Variants in UBAC2 observed in about 807,000 individuals in gnomAD.
UBAC2 encodes UBA domain containing 2.
Under a neutral mutation model 44.0 loss-of-function variants are expected in UBAC2, and 26 were observed. The ratio of observed to expected loss-of-function variants is 0.59; its 90% CI spans 0.43 to 0.82. UBAC2 has a LOEUF of 0.82. UBAC2 is among the 40% of genes least tolerant of loss of function. The pLI is 0.00. For missense variants in UBAC2, 329 were observed against 419.4 expected (o/e 0.78, Z 1.88); for synonymous variants, 155 against 154.3 (o/e 1.00, Z -0.04).
intron 7 of UBAC2, among the ~76,000 whole-genome samples, chr13:99,364,635 A>G (rs2045307635): frequency 6.6e-6 from 1 of 152,152 alleles, no homozygotes; most frequent in Non-Finnish European, 1.5e-5. Flanking sequence ...TGGTGGGTAG[A>G]TTTTTAAGTA....
chr13:99,278,094 G>A (rs1343881823), intron 4 of UBAC2, among the ~76,000 whole-genome samples: 1 of 152,138 alleles, frequency 6.6e-6, no homozygotes, highest in East Asian at 1.9e-4. Flanking sequence ...TCCAGGACTA[G>A]GCACAGATAA....
chr13:99,325,292 A>G (rs1270190686), intron 6 of UBAC2, among the ~76,000 whole-genome samples: 1 of 151,548 alleles, frequency 6.6e-6, no homozygotes, highest in Non-Finnish European at 1.5e-5. Flanking sequence ...TTTTGTAGAG[A>G]CGGGGTTTCA....
chr13:99,221,327 A>C (rs2043050091), intron 1 of UBAC2, among the ~76,000 whole-genome samples: 1 of 152,210 alleles, frequency 6.6e-6, no homozygotes, highest in South Asian at 2.1e-4. Flanking sequence ...TTTGTTACAC[A>C]GGGCACTACT....
At chr13:99,244,851 G>A (rs1220084877) in intron 4 of UBAC2, among the ~76,000 whole-genome samples, 1 of 121,484 alleles carries the variant, frequency 8.2e-6, no homozygotes, top group African/African-American at 3.1e-5. Context: ...TTTTTTTTTT[G>A]AGACGGAGTC....
chr13:99,373,959 A>G (rs554813416), intron 8 of UBAC2, among the ~76,000 whole-genome samples: 13 of 152,356 alleles, frequency 8.5e-5, no homozygotes, highest in Non-Finnish European at 1.3e-4. Flanking sequence ...ACATGGTGCA[A>G]CTGCCCAGAC....
At chr13:99,384,523 T>C (rs1416209438) in intron 8 of UBAC2, among the ~76,000 whole-genome samples, 1 of 152,246 alleles carries the variant, frequency 6.6e-6, no homozygotes, top group Admixed American at 6.5e-5. Flanking sequence ...AATGCATGCT[T>C]GTTCCTCCCT....
chr13:99,270,417 G>A (rs1214165717), intron 4 of UBAC2, among the ~76,000 whole-genome samples: 1 of 152,194 alleles, frequency 6.6e-6, no homozygotes, highest in Non-Finnish European at 1.5e-5. Context: ...TAGCAGAGGT[G>A]AATATTATGG....
chr13:99,242,948 G>A lies in UBAC2; in HGVS notation c.160-884G>A, dbSNP rs1475248116. The stretch of plus-strand genomic sequence containing the variant: ...TAGAGACGCTCCTCACTTCCTAGAT[G>A]GGATGGCGGCCGGGAAGAGGCGCTC... On this transcript the variant is annotated intron_variant, in intron 2 of 8. Transcript: ENST00000403766. Among the ~76,000 whole-genome samples the A allele has an allele frequency of 3.3e-5, 5 of 150,764 alleles. No homozygotes were observed. The East Asian group carries it at 9.8e-4, about 30-fold the overall frequency.
intron 8 of UBAC2, among the ~76,000 whole-genome samples, chr13:99,373,111 ACT>A (rs1449385699): frequency 4.6e-5 from 7 of 150,768 alleles, no homozygotes; most frequent in Non-Finnish European, 5.9e-5. Context: ...ACAGAGCAAG[ACT>A]CTGTCTCAAA....
intron 1 of UBAC2, 44 bp downstream of exon 1, chr13:99,200,983 C>A: frequency 7.7e-7 from 1 of 1,299,496 alleles, no homozygotes; most frequent in Non-Finnish European, 9.8e-7. Context: ...CTACACGCCA[C>A]CCTAGGCACC....
intron 4 of UBAC2, among the ~76,000 whole-genome samples, chr13:99,278,557 C>T (rs2043913285): frequency 3.9e-5 from 6 of 152,122 alleles, no homozygotes; most frequent in Admixed American, 3.9e-4. Flanking sequence ...AAATAATCAT[C>T]ATAGCTTGAA....
At chr13:99,233,569 A>G (rs567303345) in intron 1 of UBAC2, among the ~76,000 whole-genome samples, 169 of 152,276 alleles carry the variant, frequency 1.1e-3, no homozygotes, top group African/African-American at 3.8e-3. Flanking sequence ...CCTGGTTGAA[A>G]GGCCGCAGGA....
chr13:99,238,817 T>C (rs141489837), intron 2 of UBAC2, among the ~76,000 whole-genome samples: 73 of 152,322 alleles, frequency 4.8e-4, no homozygotes, highest in African/African-American at 1.7e-3. Context: ...AATTTATAAC[T>C]TCAAGGGAAT....
At chr13:99,321,140 T>C (rs2044562429) in intron 6 of UBAC2, among the ~76,000 whole-genome samples, 1 of 152,216 alleles carries the variant, frequency 6.6e-6, no homozygotes, top group Admixed American at 6.5e-5. Context: ...ATTAATGTGG[T>C]TTTTAAGAAA....
intron 5 of UBAC2, among the ~76,000 whole-genome samples, chr13:99,316,544 C>A (rs1003520793): frequency 1.3e-5 from 2 of 152,266 alleles, no homozygotes; most frequent in South Asian, 4.1e-4. Flanking sequence ...TGGGCTATGA[C>A]GTTGTGGGCT....
rs1220615255 is a variant in UBAC2 at position 99,200,867 on chromosome 13, C to G, written c.-42C>G. On this transcript the variant is annotated 5_prime_UTR_variant, in exon 1 of 9. Transcript: ENST00000403766. ...TCGCTGGGGCTCGCACTTCAGCTTC[C>G]CCTCCCCCGGCGCCCTCTGGGGCTC... is the stretch of plus-strand genomic sequence containing the variant. 9 of 1,285,988 alleles carry G rather than the reference C, an allele frequency of 7.0e-6. No individual in the cohort carries two copies. Among genetic ancestry groups the G allele is most frequent in the Non-Finnish European group, 2.0e-6 (2 of 1,007,038 alleles). 79.7% of individuals were successfully genotyped at this position (1,285,988 alleles called of 1,614,324 possible). A position where few individuals can be genotyped will look rare whatever the true frequency, so the allele number is the denominator to read the frequency against.
intron 1 of UBAC2, among the ~76,000 whole-genome samples, chr13:99,231,761 C>G (rs1279283918): frequency 2.6e-5 from 4 of 152,084 alleles, no homozygotes; most frequent in African/African-American, 9.7e-5. Context: ...TTTTGATGAT[C>G]TATTTTTGTA....
intron 2 of UBAC2, among the ~76,000 whole-genome samples, chr13:99,242,445 C>T (rs1459304861): frequency 5.2e-4 from 72 of 138,888 alleles, no homozygotes; most frequent in African/African-American, 1.9e-3. Context: ...GGGCGGCTGG[C>T]CGGGCGGGGG....
At chr13:99,281,149 A>G (rs2043948611) in intron 4 of UBAC2, among the ~76,000 whole-genome samples, 1 of 151,802 alleles carries the variant, frequency 6.6e-6, no homozygotes, top group Non-Finnish European at 1.5e-5. Context: ...AGATCACACC[A>G]TGGTACTCCA....
Sources: allele counts gnomAD v4.1 joint callset (sites outside exome capture counted in the v4.1 genomes callset), GRCh38; gene constraint gnomAD v4.1.1; transcripts MANE v1.5; gene names NCBI Gene and HGNC (gene_info 2026-07-23, HGNC 2026-07-21).